Variants in ZC3H3 observed in about 807,000 individuals in gnomAD.
ZC3H3 encodes zinc finger CCCH domain-containing protein 3.
In ZC3H3, 36 loss-of-function variants were observed where a neutral mutation model predicts 77.3. The ratio of observed to expected loss-of-function variants is 0.47; its 90% CI spans 0.36 to 0.61. ZC3H3 has a LOEUF of 0.61. ZC3H3 is among the 20% of genes least tolerant of loss of function. The pLI is 0.00. For synonymous variants in ZC3H3, 626 were observed against 555.2 expected, an observed-to-expected ratio of 1.13 and a Z score of -1.79; for missense variants, 1,331 against 1,312.2, an observed-to-expected ratio of 1.01 and a Z score of -0.22.
At chr8:143,438,393 G>A (rs1819639125) in intron 11 of ZC3H3, among the ~76,000 whole-genome samples, 1 of 152,184 alleles carries the variant, frequency 6.6e-6, no homozygotes, top group African/African-American at 2.4e-5. Flanking sequence ...TGGGCGGGCG[G>A]CAGTCCCGGC....
At position 143,539,265 on chromosome 8, in the gene ZC3H3, T is replaced by C. The variant is rs536845502; in HGVS notation, c.102A>G (p.Pro34=). Residue 34 remains proline, a synonymous_variant, in exon 2 of 12, where the codon CCA becomes CCG. Coordinates refer to ENST00000262577, the MANE Select transcript of ZC3H3 (RefSeq NM_015117.3). ...TGGGTGGCTGCCACCCAGAAGCTGC[T>C]GGGGTACCAGGGGCCGGGGCATTGC... ...LHGNAPAPGT[P]AASGWQPPTY... 6.2e-7 allele frequency: 1 copy of C among 1,612,716 alleles called. No homozygotes were observed. The highest frequency in any genetic ancestry group is 2.2e-5 in the East Asian group (1 of 44,884).
At chr8:143,507,220 C>T (rs1821727131) in intron 4 of ZC3H3, among the ~76,000 whole-genome samples, 1 of 152,236 alleles carries the variant, frequency 6.6e-6, no homozygotes, top group Non-Finnish European at 1.5e-5. Context: ...GCCGACAGAG[C>T]CGCCCTCCCA....
chr8:143,455,802 G>A (rs1005235473), intron 9 of ZC3H3, among the ~76,000 whole-genome samples: 2 of 151,080 alleles, frequency 1.3e-5, no homozygotes, highest in Non-Finnish European at 3.0e-5. Flanking sequence ...GTGAAACCCC[G>A]TCTCTATTAA....
At chr8:143,508,399 C>A (rs2980275) in intron 3 of ZC3H3, among the ~76,000 whole-genome samples, 2 of 152,192 alleles carry the variant, frequency 1.3e-5, no homozygotes, top group Admixed American at 1.3e-4. Context: ...CCTCCTCAAG[C>A]GGCACCTCCT....
intron 9 of ZC3H3, among the ~76,000 whole-genome samples, chr8:143,448,299 T>G (rs1819908515): frequency 6.7e-6 from 1 of 149,370 alleles, no homozygotes; most frequent in Non-Finnish European, 1.5e-5. Flanking sequence ...AGACTGAAAC[T>G]CTGTCTAAAA....
chr8:143,455,332 A>G (rs1208512157), intron 9 of ZC3H3, among the ~76,000 whole-genome samples: 3 of 151,806 alleles, frequency 2.0e-5, no homozygotes, highest in Non-Finnish European at 4.4e-5. Context: ...AATAATAAAA[A>G]TAAAAATACA....
rs1399862916 is a variant in ZC3H3 at position 143,468,457 on chromosome 8, T to C, written c.2030A>G (p.Asn677Ser). The C allele has an allele frequency of 1.2e-6, 2 of 1,610,286 alleles. No homozygotes were observed. Among genetic ancestry groups the C allele is most frequent in the African/African-American group, 1.3e-5 (1 of 74,998 alleles). Residue 677 changes from asparagine to serine, a missense_variant, in exon 7 of 12, where the codon AAC becomes AGC. Asn to Ser is a conservative substitution (Grantham distance 46). Around this residue, in one of 3 missense-constraint regions of ZC3H3, gnomAD observed 104 missense variants for 159.7 expected, o/e 0.65. Coordinates refer to ENST00000262577, the MANE Select transcript of ZC3H3 (RefSeq NM_015117.3). ...GCCACGGTTGCACCTGCCGAAGCGG[T>C]TGTAGTACATGCAGTACTCCTTCCT... The part of the protein sequence containing the change: ...EKRKEYCMYY[N>S]RFGRCNRGER...
chr8:143,484,673 C>T (rs987415504), intron 4 of ZC3H3: 7 of 207,518 alleles, frequency 3.4e-5, no homozygotes, highest in African/African-American at 1.6e-4. Flanking sequence ...GGCCCGCGAC[C>T]CTCTGCACCT....
Position 143,441,042 on chromosome 8 carries a change from G to A in ZC3H3, c.2386C>T (p.Leu796Phe), listed in dbSNP as rs763751052. The A allele has an allele frequency of 1.3e-6, 2 of 1,488,818 alleles. No homozygotes were observed. Among genetic ancestry groups the A allele is most frequent in the South Asian group, 1.4e-5 (1 of 73,482 alleles). The allele number at this position is 1,488,818 out of a possible 1,614,324, so 92.2% of individuals were successfully genotyped here. A position where few individuals can be genotyped will look rare whatever the true frequency, so the allele number is the denominator to read the frequency against. ...CTGTGGCGTTTCTGGGTACGGTGGA[G>A]CAGCTGGCACTGGGCGCCGCGGGGA... ...ACPRGAQCQLLHRTQKRHSRR... is the reference protein window; with the variant it reads ...ACPRGAQCQLFHRTQKRHSRR... Residue 796 changes from leucine to phenylalanine, a missense_variant, in exon 10 of 12, where the codon CTC (leucine) becomes TTC (phenylalanine). Physicochemically the swap from Leu to Phe is conservative, Grantham distance 22. Coordinates refer to ENST00000262577, the MANE Select transcript of ZC3H3 (RefSeq NM_015117.3).
At chr8:143,445,071 A>C (rs1404434173) in intron 9 of ZC3H3, among the ~76,000 whole-genome samples, 1 of 152,232 alleles carries the variant, frequency 6.6e-6, no homozygotes, top group Non-Finnish European at 1.5e-5. Flanking sequence ...TAAAACTATT[A>C]GGAATAAATC....
chr8:143,536,332 T>C lies in ZC3H3; in HGVS notation c.1486A>G (p.Lys496Glu). The C allele has an allele frequency of 6.2e-7, 1 of 1,611,180 alleles. No individual in the cohort carries two copies. The highest frequency in any genetic ancestry group is 1.7e-5 in the Admixed American group (1 of 59,764). ...TGCGTGGTGACCTGTACCAGGCCCT[T>C]GTTGGGGGTCTTCTTCAGGACAGGG... ...SSPVLKKTPNKGLVQVTTHRL... is the reference protein window; with the variant it reads ...SSPVLKKTPNEGLVQVTTHRL... Residue 496 changes from lysine to glutamate, a missense_variant, in exon 3 of 12, where the codon AAG becomes GAG. Physicochemically the swap from Lys to Glu is moderately conservative, Grantham distance 56 (BLOSUM62 1). This residue lies in a region of ZC3H3 where 978 missense variants were observed against 915.5 expected (regional missense o/e 1.07). Transcript: ENST00000262577.
chr8:143,456,908 A>C (rs1820137838), intron 9 of ZC3H3, among the ~76,000 whole-genome samples: 1 of 152,204 alleles, frequency 6.6e-6, no homozygotes, highest in South Asian at 2.1e-4. Context: ...AATGCACAGC[A>C]ATTCTAATGT....
chr8:143,491,367 G>A (rs537032467), intron 4 of ZC3H3, among the ~76,000 whole-genome samples: 4 of 152,376 alleles, frequency 2.6e-5, no homozygotes, highest in South Asian at 2.1e-4. Flanking sequence ...CTGCGGTTCC[G>A]CCAAGGTGGC....
chr8:143,468,431 C>T lies in ZC3H3; in HGVS notation c.2056G>A (p.Glu686Lys). The stretch of plus-strand genomic sequence containing the variant: ...GGATCGTGGATGTAGGGGCAGCGCT[C>T]GCCACGGTTGCACCTGCCGAAGCGG... Reference protein sequence around the residue: ...YNRFGRCNRGERCPYIHDPEK... With the variant: ...YNRFGRCNRGKRCPYIHDPEK... Residue 686 changes from glutamate to lysine, a missense_variant, in exon 7 of 12, where the codon GAG becomes AAG. Glu to Lys is a moderately conservative substitution (Grantham distance 56, BLOSUM62 1). Transcript: ENST00000262577. 1.2e-6 allele frequency: 2 copies of T among 1,611,256 alleles called. No homozygotes were observed. Among genetic ancestry groups the T allele is most frequent in the Non-Finnish European group, 1.7e-6 (2 of 1,179,366 alleles).
chr8:143,472,575 C>T (rs984156827), intron 5 of ZC3H3, among the ~76,000 whole-genome samples: 3 of 152,176 alleles, frequency 2.0e-5, no homozygotes, highest in African/African-American at 4.8e-5. Flanking sequence ...TGGTGGGCAC[C>T]GTGTCTGAGG....
At chr8:143,488,682 TAGGAAAGG>T (rs1821113975) in intron 4 of ZC3H3, among the ~76,000 whole-genome samples, 1 of 152,094 alleles carries the variant, frequency 6.6e-6, no homozygotes, top group South Asian at 2.1e-4. Context: ...CCATCTTAGG[TAGGAAAGG>T]CTGTTCTCAG....
chr8:143,533,687 T>TC lies in ZC3H3; in HGVS notation c.1561+2569_1561+2570insG, dbSNP rs1448635737. Among the ~76,000 whole-genome samples the TC allele has an allele frequency of 8.8e-6, 1 of 114,074 alleles. No homozygotes were observed. Among genetic ancestry groups the TC allele is most frequent in the East Asian group, 2.6e-4 (1 of 3,806 alleles). The allele number at this position is 114,074 out of a possible 152,430, so 74.8% of individuals were successfully genotyped here. ...CTCCATGCAGCCGCCACGCTGGTCT[T>TC]TTTTTTTTTTTTTTTTTGAGACAAA... On this transcript the variant is annotated intron_variant, in intron 3 of 11. Transcript: ENST00000262577. The surrounding 1 kb of genome is among the most constrained non-coding windows in gnomAD (Gnocchi z 4.0).
At chr8:143,490,508 T>G (rs1333219028) in intron 4 of ZC3H3, among the ~76,000 whole-genome samples, 1 of 152,202 alleles carries the variant, frequency 6.6e-6, no homozygotes, top group Non-Finnish European at 1.5e-5. Context: ...TGGGACAAGG[T>G]AGGCAGATGT....
At chr8:143,504,828 T>C (rs1242915092) in intron 4 of ZC3H3, among the ~76,000 whole-genome samples, 1 of 152,100 alleles carries the variant, frequency 6.6e-6, no homozygotes, top group African/African-American at 2.4e-5. Context: ...AGCGGCTCCC[T>C]CTCCTCCCAG....
Sources: gnomAD v4.1 joint callset for allele counts (sites outside exome capture counted in the v4.1 genomes callset) on GRCh38, gnomAD v4.1.1 for gene constraint, gnomAD v4.1.1 regional missense constraint, Gnocchi (gnomAD v3.1) non-coding constraint, MANE v1.5 for transcripts, NCBI Gene and HGNC (gene_info 2026-07-23, HGNC 2026-07-21) for gene names.